Variants in RBFOX1 observed in about 807,000 individuals in gnomAD.
RBFOX1 encodes RNA binding protein fox-1 homolog 1.
RBFOX1 carries 8 observed loss-of-function variants against 57.7 expected under a neutral mutation model. That is an observed-to-expected ratio of 0.14 (90% confidence interval 0.08 to 0.25). The LOEUF (loss-of-function observed/expected upper bound fraction) is 0.25, where lower values mean the gene tolerates loss of function less well. RBFOX1 is among the 10% of genes least tolerant of loss of function. The probability of loss-of-function intolerance (pLI) is 1.00; values close to 1 mark genes in which losing one functional copy is unlikely to be tolerated. For missense variants in RBFOX1, 611 were observed against 548.5 expected (o/e 1.11, Z -1.14); for synonymous variants, 326 against 222.4 (o/e 1.47, Z -4.15).
chr16:5,708,028 T>C (rs188798598), intron 3 of RBFOX1, among the ~76,000 whole-genome samples: 2 of 152,254 alleles, frequency 1.3e-5, no homozygotes, highest in East Asian at 3.9e-4. Flanking sequence ...TGGTTAATTA[T>C]TGTTGTTGAA....
intron 4 of RBFOX1, among the ~76,000 whole-genome samples, chr16:7,502,037 G>A (rs994836823): frequency 1.3e-5 from 2 of 152,014 alleles, no homozygotes; most frequent in Admixed American, 1.3e-4. Context: ...CTTGCTTTCT[G>A]GCAATCTCTC....
intron 4 of RBFOX1, among the ~76,000 whole-genome samples, chr16:7,133,347 T>G (rs1258231207): frequency 6.6e-6 from 1 of 152,242 alleles, no homozygotes. Context: ...CTCTTGTTTC[T>G]GTAAATTAGA....
chr16:5,494,005 G>A (rs112393094), intron 2 of RBFOX1, among the ~76,000 whole-genome samples: 2 of 152,314 alleles, frequency 1.3e-5, no homozygotes, highest in South Asian at 4.1e-4. Context: ...GCCTTCTTGT[G>A]GGGCTTTGTG....
chr16:5,741,633 T>C (rs572237137), intron 3 of RBFOX1, among the ~76,000 whole-genome samples: 1 of 152,354 alleles, frequency 6.6e-6, no homozygotes, highest in Admixed American at 6.5e-5. Flanking sequence ...TATAACAATT[T>C]ATTGCGACAC....
chr16:6,641,505 C>A (rs547147185), intron 2 of RBFOX1, among the ~76,000 whole-genome samples: 1 of 151,914 alleles, frequency 6.6e-6, no homozygotes, highest in Non-Finnish European at 1.5e-5. Context: ...GAGGCCGAGG[C>A]GGGCAGATCG....
intron 3 of RBFOX1, among the ~76,000 whole-genome samples, chr16:6,965,074 G>A (rs1178341830): frequency 1.3e-5 from 2 of 152,038 alleles, no homozygotes; most frequent in African/African-American, 4.8e-5. Flanking sequence ...GGGTGGCAGT[G>A]TTATGTAGCT....
At chr16:7,116,182 C>G (rs989018993) in intron 4 of RBFOX1, among the ~76,000 whole-genome samples, 5 of 152,110 alleles carry the variant, frequency 3.3e-5, no homozygotes, top group Non-Finnish European at 7.4e-5. Flanking sequence ...CTCCCGTTCA[C>G]CAGTTGCATC....
chr16:6,770,252 A>G (rs1451543282), intron 3 of RBFOX1, among the ~76,000 whole-genome samples: 2 of 152,194 alleles, frequency 1.3e-5, no homozygotes, highest in Non-Finnish European at 2.9e-5. Context: ...TACTTACCAC[A>G]TCTCCACAGG....
chr16:5,579,967 C>T (rs2046607027), intron 2 of RBFOX1, among the ~76,000 whole-genome samples: 1 of 152,096 alleles, frequency 6.6e-6, no homozygotes, highest in Non-Finnish European at 1.5e-5. Context: ...GACGGGGTTT[C>T]ACCAACATGG....
At chr16:6,709,600 A>G (rs2063369274) in intron 3 of RBFOX1, among the ~76,000 whole-genome samples, 1 of 152,324 alleles carries the variant, frequency 6.6e-6, no homozygotes, top group African/African-American at 2.4e-5. Context: ...GTGCATTTAC[A>G]TGAATCTCCC....
chr16:6,855,845 C>CCTTCCCTCCCTG lies in RBFOX1; in HGVS notation c.-15-196212_-15-196211insCTTCCCTCCCTG, dbSNP rs202089163. 6.8e-3 allele frequency among the ~76,000 whole-genome samples: 775 copies of CCTTCCCTCCCTG among 114,750 alleles called. 17 individuals are homozygous for CCTTCCCTCCCTG. The highest frequency in any genetic ancestry group is 0.022 in the African/African-American group (731 of 33,592). 75.3% of individuals were successfully genotyped at this position (114,750 alleles called of 152,430 possible). On this transcript the variant is annotated intron_variant, in intron 3 of 15. Transcript: ENST00000550418. ...TCCTTCCCTCCCTCCTTCCCTCCCT[C>CCTTCCCTCCCTG]TTTCCCTCCCTTCCTTTCTTCCCTG...
rs188654573 is a variant in RBFOX1 at position 7,106,132 on chromosome 16, A to G, written c.27+54034A>G. 4.8e-3 allele frequency among the ~76,000 whole-genome samples: 726 copies of G among 152,284 alleles called. 6 individuals carry two copies. The highest frequency in any genetic ancestry group is 0.017 in the African/African-American group (698 of 41,570). On this transcript the variant is annotated intron_variant, in intron 4 of 15. Coordinates refer to ENST00000550418, the MANE Select transcript of RBFOX1 (RefSeq NM_018723.4). ...TTTGAAACTCCTTTACCGTGAATCT[A>G]TAGCAGCATCATGACCTGTGAAGAC...
chr16:6,486,119 C>T (rs1160671815), intron 2 of RBFOX1, among the ~76,000 whole-genome samples: 2 of 102,050 alleles, frequency 2.0e-5, no homozygotes, highest in Admixed American at 1.4e-4. Flanking sequence ...GCATTGATTG[C>T]CTTCCTATAA....
At chr16:6,004,963 G>A (rs1023531304) in intron 4 of RBFOX1, among the ~76,000 whole-genome samples, 2 of 152,034 alleles carry the variant, frequency 1.3e-5, no homozygotes. Flanking sequence ...ATCGGATGAG[G>A]GAAAGGGTCA....
chr16:7,059,477 T>C (rs1406580452), intron 4 of RBFOX1, among the ~76,000 whole-genome samples: 1 of 152,230 alleles, frequency 6.6e-6, no homozygotes, highest in African/African-American at 2.4e-5. Flanking sequence ...TGCACCACTC[T>C]TATTCTCTTA....
chr16:7,684,611 C>T (rs1168249361), intron 14 of RBFOX1, among the ~76,000 whole-genome samples: 1 of 122,456 alleles, frequency 8.2e-6, no homozygotes, highest in East Asian at 2.0e-4. Context: ...GTCTTGGGGA[C>T]CTGGAATTTA....
At chr16:7,330,496 GTGTGTGTGTGTGTT>G (rs753615597) in intron 4 of RBFOX1, among the ~76,000 whole-genome samples, 2,355 of 102,608 alleles carry the variant, frequency 0.023, 32 homozygotes, top group African/African-American at 0.047. Flanking sequence ...GTGTGTGTGT[GTGTGTGTGTGTGTT>G]TGTGTGTGTG....
At chr16:6,791,123 T>A (rs2082859833) in intron 3 of RBFOX1, among the ~76,000 whole-genome samples, 1 of 152,086 alleles carries the variant, frequency 6.6e-6, no homozygotes, top group East Asian at 1.9e-4. Context: ...GCTAGGCTGA[T>A]CTCAAACTCC....
In RBFOX1 at chr16:5,427,809, C is replaced by G. The variant is rs56030659; in HGVS notation, c.220-39407C>G. On this transcript the variant is annotated intron_variant, in intron 1 of 2. Coordinates refer to the RBFOX1 transcript ENST00000585867. ...CATTAGAGAGTCAACCTGCTGGACT[C>G]AAAGTCCACGGATTTCTCTGTTAAT... Among the ~76,000 whole-genome samples the G allele has an allele frequency of 6.8e-3, 1,032 of 152,272 alleles. 17 individuals carry two copies. Among genetic ancestry groups the G allele is most frequent in the African/African-American group, 0.024 (993 of 41,542 alleles).
Sources: allele counts gnomAD v4.1 joint callset (sites outside exome capture counted in the v4.1 genomes callset), GRCh38; gene constraint gnomAD v4.1.1; transcripts MANE v1.5; gene names NCBI Gene and HGNC (gene_info 2026-07-23, HGNC 2026-07-21).